PSG11: variants seen among roughly 807,000 people sequenced by gnomAD.
PSG11 encodes the protein pregnancy specific beta-1-glycoprotein 11.
PSG11 carries 42 observed loss-of-function variants against 36.0 expected under a neutral mutation model. The observed-to-expected ratio is 1.17, with a 90% CI of 0.91 to 1.51. The LOEUF is 1.51. PSG11 is among the 40% of genes most tolerant of loss of function. PSG11 has a pLI of 0.00. For synonymous variants in PSG11, 206 were observed against 153.5 expected (o/e 1.34, Z -2.53); for missense variants, 558 against 403.5 (o/e 1.38, Z -3.28).
intron 5 of PSG11, among the ~76,000 whole-genome samples, chr19:43,008,792 A>C (rs995516907): frequency 2.0e-5 from 3 of 151,362 alleles, no homozygotes; most frequent in African/African-American, 7.3e-5. Flanking sequence ...GTTGAAAAAG[A>C]TCCTTAGGTA....
At chr19:43,021,919 A>C (rs1967110659) in intron 2 of PSG11, among the ~76,000 whole-genome samples, 1 of 151,434 alleles carries the variant, frequency 6.6e-6, no homozygotes, top group Admixed American at 6.6e-5. Flanking sequence ...AGTGACAGCA[A>C]ACTAGCATGG....
intron 2 of PSG11, 135 bp downstream of exon 2, chr19:43,024,556 C>G (rs1169732176): frequency 1.3e-6 from 2 of 1,522,782 alleles, no homozygotes; most frequent in Middle Eastern, 1.7e-4. Flanking sequence ...GTGTCCTGCA[C>G]TAAATGCCCA....
In PSG11 at chr19:43,026,309, C is replaced by T; in HGVS notation, c.64G>A (p.Ala22Thr). The change falls in exon 1 of 6, where the codon GCA becomes ACA. Residue 22 changes from alanine (A) to threonine (T), a missense_variant and splice_region_variant. By Grantham distance (58) the Ala-to-Thr change is moderately conservative. Transcript: ENST00000320078. ...HIKWKGLLLTALLLNFWNLPT... is the reference protein window; with the variant it reads ...HIKWKGLLLTTLLLNFWNLPT... ...CTCTCCCAGGAAGTTCTCTCCTCAC[C>T]TGTGAGCAGGAGCCCCTTCCATTTG... The T allele has an allele frequency of 1.2e-6, 2 of 1,610,772 alleles. No homozygotes were observed. Among genetic ancestry groups the T allele is most frequent in the Non-Finnish European group, 1.7e-6 (2 of 1,178,476 alleles).
At chr19:43,022,186 C>T (rs879651058) in intron 2 of PSG11, among the ~76,000 whole-genome samples, 1 of 151,516 alleles carries the variant, frequency 6.6e-6, no homozygotes. Context: ...TCCCTGACTG[C>T]TGCAATGTCA....
Position 43,015,399 on chromosome 19 carries a change from G to T in PSG11, c.710-29C>A, listed in dbSNP as rs1191123119. ...GAGGAAAGAGAATAAAGCCACAGTT[G>T]ATGTCATCTGAGGGAAGGGGAAGCT... On this transcript the variant is annotated intron_variant, in intron 3 of 5. Coordinates refer to ENST00000320078, the MANE Select transcript of PSG11 (RefSeq NM_002785.3). 9 of 1,594,358 alleles carry T rather than the reference G, an allele frequency of 5.6e-6. 1 individual carries two copies. The highest frequency in any genetic ancestry group is 7.7e-6 in the Non-Finnish European group (9 of 1,169,526).
chr19:43,014,643 G>C, intron 4 of PSG11: 1 of 1,100,728 alleles, frequency 9.1e-7, no homozygotes. Flanking sequence ...AGCAGAGCAG[G>C]AAGCAGAGTC....
chr19:43,014,592 C>G, intron 4 of PSG11: 1 of 1,023,424 alleles, frequency 9.8e-7, no homozygotes, highest in African/African-American at 1.7e-5. Flanking sequence ...TGGTCCCACC[C>G]CAGGTTGAGT....
chr19:43,015,807 A>G (rs1259727210), intron 3 of PSG11: 2 of 1,609,682 alleles, frequency 1.2e-6, no homozygotes, highest in Non-Finnish European at 1.7e-6. Context: ...GGATGCCACC[A>G]TATCGGTCCC....
At chr19:43,017,330 G>T (rs1224645491) in intron 3 of PSG11, 1 of 151,546 alleles carries the variant, frequency 6.6e-6, no homozygotes, top group African/African-American at 2.4e-5. Flanking sequence ...AAATGCTTCA[G>T]TGAGAATTTC....
rs1967111046 is a variant in PSG11 at position 43,021,932 on chromosome 19, G to C, written c.430+2759C>G. On this transcript the variant is annotated intron_variant, in intron 2 of 5. Coordinates refer to ENST00000320078, the MANE Select transcript of PSG11 (RefSeq NM_002785.3). The stretch of plus-strand genomic sequence containing the variant: ...ACAGTGACAGCAAACTAGCATGGCT[G>C]ACTCCATCTGGCATCTAGTCTCAGG... 2.0e-5 allele frequency among the ~76,000 whole-genome samples: 3 copies of C among 151,428 alleles called. No homozygotes were observed. The South Asian group carries it at 6.3e-4, about 32-fold the overall frequency.
intron 2 of PSG11, among the ~76,000 whole-genome samples, chr19:43,023,350 G>A (rs1208037152): frequency 1.3e-5 from 2 of 150,682 alleles, no homozygotes; most frequent in African/African-American, 4.9e-5. Context: ...TGTGTCTCTC[G>A]CTGGGCCTGT....
At position 43,020,256 on chromosome 19, in the gene PSG11, T is replaced by A. The variant is rs984671348; in HGVS notation, c.431-1208A>T. Among the ~76,000 whole-genome samples the A allele has an allele frequency of 2.6e-5, 4 of 151,420 alleles. 1 individual carries two copies. The highest frequency in any genetic ancestry group is 1.9e-4 in the East Asian group (1 of 5,180). On this transcript the variant is annotated intron_variant, in intron 2 of 5. Coordinates refer to ENST00000320078, the MANE Select transcript of PSG11 (RefSeq NM_002785.3). The stretch of plus-strand genomic sequence containing the variant: ...AGTGTTTTGGAATTCTAATTTTTTT[T>A]ATTTTGGAATATTTGCAGTACATGT...
At chr19:43,023,431 A>G (rs147587997) in intron 2 of PSG11, among the ~76,000 whole-genome samples, 8,984 of 150,814 alleles carry the variant, frequency 0.06, 498 homozygotes, top group South Asian at 0.1. Flanking sequence ...AGTGACATGG[A>G]CACTTTGGGA....
intron 3 of PSG11, chr19:43,015,993 A>C (rs753285292): frequency 1.9e-6 from 3 of 1,610,128 alleles, no homozygotes; most frequent in Middle Eastern, 2.1e-4. Context: ...AGACATCCTT[A>C]TTCTCCCTGG....
At chr19:43,019,240 T>C (rs1967044625) in intron 2 of PSG11, 192 bp from the exon 3 acceptor site, 1 of 1,257,176 alleles carries the variant, frequency 8.0e-7, no homozygotes, top group Non-Finnish European at 1.1e-6. Flanking sequence ...GCCTGCTTTA[T>C]GTGGGAGAAG....
chr19:43,018,977 T>C lies in PSG11; in HGVS notation c.502A>G (p.Thr168Ala), dbSNP rs779254502. Reference protein sequence around the residue: ...PREAMETVILTCNPETPDASY... With the variant: ...PREAMETVILACNPETPDASY... ...GCGTCCGGAGTCTCAGGATTACAGG[T>C]TAAGATCACAGTCTCCATGGCCTCC... Residue 168 changes from threonine (T) to alanine (A), a missense_variant, in exon 3 of 6, where the codon ACC becomes GCC. By Grantham distance (58) the Thr-to-Ala change is moderately conservative. Coordinates refer to ENST00000320078, the MANE Select transcript of PSG11 (RefSeq NM_002785.3). 99 of 1,611,876 alleles carry C rather than the reference T, an allele frequency of 6.1e-5. 1 individual carries two copies. The Admixed American group carries it at 1.6e-3, about 27-fold the overall frequency.
intron 2 of PSG11, among the ~76,000 whole-genome samples, chr19:43,023,857 C>T (rs1266197972): frequency 6.6e-6 from 1 of 151,398 alleles, no homozygotes; most frequent in African/African-American, 2.4e-5. Context: ...AAATTATTCA[C>T]AGTCACCTGA....
At chr19:43,016,987 T>G (rs1039984941) in intron 3 of PSG11, among the ~76,000 whole-genome samples, 3 of 151,438 alleles carry the variant, frequency 2.0e-5, no homozygotes, top group Non-Finnish European at 2.9e-5. Flanking sequence ...TTTCTTTCAT[T>G]GGATATTCTA....
chr19:43,015,806 C>G (rs537575459), intron 3 of PSG11: 1 of 1,610,178 alleles, frequency 6.2e-7, no homozygotes, highest in African/African-American at 1.3e-5. Flanking sequence ...CGGATGCCAC[C>G]ATATCGGTCC....
Sources: gnomAD v4.1 joint callset for allele counts (sites outside exome capture counted in the v4.1 genomes callset) on GRCh38, gnomAD v4.1.1 for gene constraint, MANE v1.5 for transcripts, NCBI Gene and HGNC (gene_info 2026-07-23, HGNC 2026-07-21) for gene names.